FGF13: variants seen among roughly 807,000 people sequenced by gnomAD.
FGF13 encodes fibroblast growth factor homologous factor 2.
A neutral mutation model predicts 19.5 loss-of-function variants in FGF13; 2 were observed. That is an observed-to-expected ratio of 0.10 (90% CI 0.04 to 0.32). The LOEUF (loss-of-function observed/expected upper bound fraction) is 0.32, where lower values mean the gene tolerates loss of function less well. FGF13 is among the 10% of genes least tolerant of loss of function. The pLI, the probability that FGF13 is intolerant of heterozygous loss-of-function variation, is 1.00. For missense variants in FGF13, 113 were observed against 192.7 expected (o/e 0.59, Z 2.45); for synonymous variants, 72 against 76.9 (o/e 0.94, Z 0.33).
intron 1 of FGF13, among the ~76,000 whole-genome samples, chrX:138,865,935 G>C (rs2091320713): frequency 9.0e-6 from 1 of 111,696 alleles, no homozygotes; most frequent in Non-Finnish European, 1.9e-5. Flanking sequence ...CTTAGGGTCT[G>C]TACAGAATCA....
At chrX:139,091,598 G>A (rs2083440517) in intron 1 of FGF13, among the ~76,000 whole-genome samples, 1 of 111,683 alleles carries the variant, frequency 9.0e-6, no homozygotes, top group African/African-American at 3.3e-5. Context: ...CAGGAGAGAA[G>A]TTCAATCACA....
chrX:138,867,830 T>A (rs866814984), intron 1 of FGF13, among the ~76,000 whole-genome samples: 1 of 85,053 alleles, frequency 1.2e-5, no homozygotes. Context: ...TCTATCTATC[T>A]ATCATCTATC....
At chrX:138,839,451 C>T (rs966542966) in intron 3 of FGF13, among the ~76,000 whole-genome samples, 8 of 111,179 alleles carry the variant, frequency 7.2e-5, no homozygotes, top group African/African-American at 2.3e-4. Context: ...AGGCAAAGGG[C>T]GAGGTTATGG....
rs1310081377 is a variant in FGF13 at position 138,621,729 on chromosome X, CAT to C, written c.*11119_*11120del. ...GTAACTGAGAGTGAAAGAGAAAAGA[CAT>C]AAACAAATAAAATCAGAAATGAAAG... On this transcript the variant is annotated 3_prime_UTR_variant, in exon 5 of 5. Coordinates refer to ENST00000315930, the MANE Select transcript of FGF13 (RefSeq NM_004114.5). 9.0e-6 allele frequency: 1 copy of C among 110,849 alleles called. No homozygotes were observed. Among genetic ancestry groups the C allele is most frequent in the Non-Finnish European group, 1.9e-5 (1 of 52,807 alleles). The allele number at this position is 110,849 out of a possible 1,213,427, so 9.1% of individuals were successfully genotyped here. A position where few individuals can be genotyped will look rare whatever the true frequency, so the allele number is the denominator to read the frequency against.
intron 1 of FGF13, among the ~76,000 whole-genome samples, chrX:139,193,246 C>T (rs1417396712): frequency 9.0e-6 from 1 of 110,902 alleles, no homozygotes; most frequent in East Asian, 2.8e-4. Context: ...ACGTAGATAG[C>T]CCATTATGAA....
Position 138,864,011 on chromosome X carries a change from CCTAGCCT to C in FGF13, c.-39+559_-39+565del, listed in dbSNP as rs979738144. On this transcript the variant is annotated intron_variant, in intron 2 of 2. Coordinates refer to the FGF13 transcript ENST00000421460. ...CCATTGTAGGATGTTGAGCTGTATC[CCTAGCCT>C]CTACTCACTAGATGCCAGTGGCACT... Among the ~76,000 whole-genome samples the C allele has an allele frequency of 5.4e-5, 6 of 111,569 alleles. No homozygotes were observed. In the Admixed American group the frequency reaches 5.7e-4, roughly 11 times the overall value.
At chrX:138,953,455 C>A (rs1030873771) in intron 1 of FGF13, among the ~76,000 whole-genome samples, 1 of 110,650 alleles carries the variant, frequency 9.0e-6, no homozygotes, top group African/African-American at 3.3e-5. Context: ...GGAGGGATAG[C>A]ATTAGGAGAT....
chrX:138,753,771 G>C (rs1431076685), intron 3 of FGF13, among the ~76,000 whole-genome samples: 1 of 112,283 alleles, frequency 8.9e-6, no homozygotes, highest in African/African-American at 3.2e-5. Context: ...AACAAGAATA[G>C]TTCTAGTCTA....
intron 1 of FGF13, among the ~76,000 whole-genome samples, chrX:138,870,157 A>G (rs2091350480): frequency 8.9e-6 from 1 of 111,927 alleles, no homozygotes; most frequent in Non-Finnish European, 1.9e-5. Flanking sequence ...TTTTAGCAAA[A>G]GAGCACTTGG....
chrX:139,099,010 C>A (rs1326969624), intron 1 of FGF13, among the ~76,000 whole-genome samples: 2 of 111,623 alleles, frequency 1.8e-5, no homozygotes, highest in Admixed American at 1.9e-4. Flanking sequence ...TCATTCCTGA[C>A]AGCCTGCTCC....
intron 3 of FGF13, among the ~76,000 whole-genome samples, chrX:138,640,414 G>A (rs2089237023): frequency 8.9e-6 from 1 of 112,236 alleles, no homozygotes; most frequent in Non-Finnish European, 1.9e-5. Flanking sequence ...CAAAGGCTTG[G>A]GAGCAATATA....
At chrX:138,700,609 A>G (rs1417307318) in intron 3 of FGF13, among the ~76,000 whole-genome samples, 2 of 111,402 alleles carry the variant, frequency 1.8e-5, no homozygotes, top group Non-Finnish European at 3.8e-5. Context: ...GCCACAATTA[A>G]TAAGGAGTAA....
intron 3 of FGF13, among the ~76,000 whole-genome samples, chrX:138,650,529 C>T (rs926931829): frequency 1.8e-5 from 2 of 111,673 alleles, no homozygotes; most frequent in Admixed American, 1.9e-4. Context: ...TATGACTAGC[C>T]AAATATGAGT....
chrX:139,097,882 G>A (rs180792921), intron 1 of FGF13, among the ~76,000 whole-genome samples: 1 of 112,247 alleles, frequency 8.9e-6, no homozygotes, highest in Non-Finnish European at 1.9e-5. Context: ...ATTTTATTAA[G>A]AGAATTTAAC....
At chrX:138,679,312 C>G (rs181744191) in intron 3 of FGF13, among the ~76,000 whole-genome samples, 1 of 110,487 alleles carries the variant, frequency 9.1e-6, no homozygotes, top group African/African-American at 3.3e-5. Flanking sequence ...CTCATGGGAT[C>G]AAGTGATCCT....
chrX:138,761,974 C>T (rs2090470739), intron 3 of FGF13, among the ~76,000 whole-genome samples: 1 of 108,997 alleles, frequency 9.2e-6, no homozygotes. Context: ...TGCAATAGCA[C>T]TTTCTGTGAT....
intron 1 of FGF13, among the ~76,000 whole-genome samples, chrX:139,153,671 C>T (rs769434790): frequency 9.0e-6 from 1 of 111,476 alleles, no homozygotes; most frequent in African/African-American, 3.3e-5. Flanking sequence ...CAAAAAGATA[C>T]GTTTAAATCC....
intron 1 of FGF13, among the ~76,000 whole-genome samples, chrX:139,046,735 G>A (rs1383506092): frequency 9.0e-6 from 1 of 111,557 alleles, no homozygotes; most frequent in Non-Finnish European, 1.9e-5. Context: ...AACTTGGAAA[G>A]GAATGAATGG....
intron 1 of FGF13, among the ~76,000 whole-genome samples, chrX:138,974,931 C>T (rs2091933975): frequency 8.9e-6 from 1 of 112,209 alleles, no homozygotes; most frequent in Admixed American, 9.4e-5. Context: ...TTTTTAAACC[C>T]TAAATCAGAA....
Sources: gnomAD v4.1 joint callset for allele counts (sites outside exome capture counted in the v4.1 genomes callset) on GRCh38, gnomAD v4.1.1 for gene constraint, MANE v1.5 for transcripts, NCBI Gene and HGNC (gene_info 2026-07-23, HGNC 2026-07-21) for gene names.